CARNMT1: variants seen among roughly 807,000 people sequenced by gnomAD.
The protein encoded by CARNMT1 is carnosine N-methyltransferase 1.
CARNMT1 carries 28 observed loss-of-function variants against 49.6 expected under a neutral mutation model. The observed-to-expected ratio is 0.56, with a 90% CI of 0.42 to 0.77. The LOEUF (loss-of-function observed/expected upper bound fraction) is 0.77, where lower values mean the gene tolerates loss of function less well. Among genes scored for constraint, CARNMT1 ranks in the 30% least tolerant of loss-of-function variants. The pLI is 0.00. For missense variants in CARNMT1, 421 were observed against 512.6 expected (o/e 0.82, Z 1.73); for synonymous variants, 178 against 175.0 (o/e 1.02, Z -0.13).
chr9:74,995,789 C>A (rs117973326), intron 6 of CARNMT1, among the ~76,000 whole-genome samples: 1 of 152,030 alleles, frequency 6.6e-6, no homozygotes, highest in East Asian at 1.9e-4. Flanking sequence ...ATATATCTCA[C>A]GAAAGAATAC....
chr9:75,027,291 A>C (rs1587319074), intron 1 of CARNMT1: 1 of 606,336 alleles, frequency 1.6e-6, no homozygotes, highest in Non-Finnish European at 2.1e-6. Context: ...GTCCTACCAC[A>C]GTGCCTAGCA....
At chr9:75,002,574 A>G (rs903431137) in intron 3 of CARNMT1, among the ~76,000 whole-genome samples, 4 of 152,230 alleles carry the variant, frequency 2.6e-5, no homozygotes, top group African/African-American at 9.6e-5. Flanking sequence ...TGAAATTTTC[A>G]AAATAAAAAT....
Position 75,017,350 on chromosome 9 carries a change from T to C in CARNMT1, c.329A>G (p.Asp110Gly). ...ATGATCAATGCATTTCCGGATCTTG[T>C]CCAAGTGAAGAAGAAACTGAGGAAG... ...KLLPQFLLHL[D>G]KIRKCIDHNQ... The change falls in exon 2 of 8, where the codon GAC becomes GGC. Residue 110 changes from aspartate (D) to glycine (G), a missense_variant. Around this residue, in one of 2 missense-constraint regions of CARNMT1, gnomAD observed 186 missense variants for 167.9 expected, o/e 1.11. Coordinates refer to ENST00000376834, the MANE Select transcript of CARNMT1 (RefSeq NM_152420.3). The C allele has an allele frequency of 1.9e-6, 3 of 1,614,078 alleles. No homozygotes were observed. The highest frequency in any genetic ancestry group is 1.7e-6 in the Non-Finnish European group (2 of 1,179,932).
At chr9:75,025,572 T>A (rs1283112565) in intron 1 of CARNMT1, among the ~76,000 whole-genome samples, 1 of 152,240 alleles carries the variant, frequency 6.6e-6, no homozygotes, top group Admixed American at 6.5e-5. Context: ...TAAACTAGTA[T>A]CTACACATAT....
At chr9:75,002,907 A>T (rs1833403804) in intron 3 of CARNMT1, among the ~76,000 whole-genome samples, 1 of 151,644 alleles carries the variant, frequency 6.6e-6, no homozygotes, top group Non-Finnish European at 1.5e-5. Flanking sequence ...TGCTCAGCTA[A>T]TTTTTTTATT....
intron 3 of CARNMT1, among the ~76,000 whole-genome samples, chr9:75,003,366 C>T (rs1172750261): frequency 1.3e-5 from 2 of 152,246 alleles, no homozygotes; most frequent in African/African-American, 4.8e-5. Context: ...AACACAGGTA[C>T]AGCAACTATG....
At chr9:75,002,503 C>A (rs888463915) in intron 3 of CARNMT1, among the ~76,000 whole-genome samples, 1 of 151,990 alleles carries the variant, frequency 6.6e-6, no homozygotes, top group Non-Finnish European at 1.5e-5. Context: ...AAATGAACAC[C>A]AAATTTAAAG....
Position 75,016,253 on chromosome 9 carries a change from T to C in CARNMT1, c.590+15A>G, listed in dbSNP as rs1245476583. On this transcript the variant is annotated intron_variant, in intron 3 of 7. Transcript: ENST00000376834. ...TACACTTTAAAAACTTGGTTAAAAA[T>C]GAGGTACTATTTACCATCTCTCTTT... 1 of 1,588,086 alleles carries C rather than the reference T, an allele frequency of 6.3e-7. No individual in the cohort carries two copies. The highest frequency in any genetic ancestry group is 1.1e-5 in the South Asian group (1 of 88,842).
chr9:75,023,543 T>C (rs571438473), intron 1 of CARNMT1, among the ~76,000 whole-genome samples: 3 of 152,334 alleles, frequency 2.0e-5, no homozygotes, highest in East Asian at 1.9e-4. Flanking sequence ...GGTTACTTAA[T>C]GGTGTGCAAA....
At chr9:75,024,892 C>T (rs1431623936) in intron 1 of CARNMT1, among the ~76,000 whole-genome samples, 2 of 152,060 alleles carry the variant, frequency 1.3e-5, no homozygotes, top group Admixed American at 6.6e-5. Flanking sequence ...GACCGAAAGC[C>T]GTACCAATAA....
intron 3 of CARNMT1, among the ~76,000 whole-genome samples, chr9:75,002,399 A>G (rs185336400): frequency 1.3e-4 from 20 of 152,308 alleles, no homozygotes; most frequent in African/African-American, 4.8e-4. Flanking sequence ...GTTCTCTTTG[A>G]ATCATAGTAC....
intron 3 of CARNMT1, among the ~76,000 whole-genome samples, chr9:75,014,285 A>C (rs1833782847): frequency 6.6e-6 from 1 of 152,184 alleles, no homozygotes; most frequent in African/African-American, 2.4e-5. Flanking sequence ...AGCAATTCTG[A>C]AACCATTCTG....
intron 6 of CARNMT1, among the ~76,000 whole-genome samples, chr9:74,990,540 C>T (rs796654078): frequency 1.5e-4 from 23 of 152,280 alleles, no homozygotes; most frequent in African/African-American, 5.3e-4. Flanking sequence ...TTTACATACA[C>T]GCATATACAT....
At chr9:75,027,203 G>C (rs1822555793) in intron 1 of CARNMT1, 1 of 1,140,152 alleles carries the variant, frequency 8.8e-7, no homozygotes, top group Non-Finnish European at 1.2e-6. Flanking sequence ...TTATAATTTT[G>C]TGATTAAGCT....
chr9:75,027,489 G>A, intron 1 of CARNMT1: 3 of 985,214 alleles, frequency 3.0e-6, no homozygotes, highest in South Asian at 9.4e-5. Flanking sequence ...GTGCAAGTGC[G>A]TTCACAGCGC....
At chr9:74,985,870 G>A (rs1832822624) in intron 6 of CARNMT1, among the ~76,000 whole-genome samples, 1 of 152,196 alleles carries the variant, frequency 6.6e-6, no homozygotes, top group African/African-American at 2.4e-5. Context: ...GTGAGCCACC[G>A]TGTGTGCCCT....
At position 75,028,167 on chromosome 9, in the gene CARNMT1, G is replaced by A. The variant is rs750671063; in HGVS notation, c.75C>T (p.Ser25=). Residue 25 remains serine (S), a synonymous_variant, in exon 1 of 8, where the codon AGC becomes AGT. Transcript: ENST00000376834. ...PEGCGGGGGG[S]EEVEVQFSAG... is the part of the protein sequence containing the mutation. ...CGGAAAACTGCACTTCCACCTCCTC[G>A]CTGCCACCGCCTCCTCCCCCGCAGC... The A allele has an allele frequency of 2.0e-6, 3 of 1,525,830 alleles. No individual in the cohort carries two copies. The highest frequency in any genetic ancestry group is 2.8e-5 in the East Asian group (1 of 36,080). The allele number at this position is 1,525,830 out of a possible 1,614,324, so 94.5% of individuals were successfully genotyped here.
chr9:75,021,339 A>G (rs1822350399), intron 1 of CARNMT1, among the ~76,000 whole-genome samples: 3 of 146,534 alleles, frequency 2.0e-5, no homozygotes, highest in Non-Finnish European at 1.5e-5. Flanking sequence ...TATAGTATAT[A>G]TACTACTATA....
chr9:75,023,751 C>A (rs1032392905), intron 1 of CARNMT1, among the ~76,000 whole-genome samples: 1 of 152,192 alleles, frequency 6.6e-6, no homozygotes, highest in Non-Finnish European at 1.5e-5. Flanking sequence ...TGGTACAAAG[C>A]CACACTATTT....
Sources: allele counts gnomAD v4.1 joint callset (sites outside exome capture counted in the v4.1 genomes callset), GRCh38; gene constraint gnomAD v4.1.1; regional missense constraint gnomAD v4.1.1; transcripts MANE v1.5; gene names NCBI Gene and HGNC (gene_info 2026-07-23, HGNC 2026-07-21).